SENP7: variants seen among roughly 807,000 people sequenced by gnomAD.
SENP7 encodes sentrin-specific protease 7.
Under a neutral mutation model 141.2 loss-of-function variants are expected in SENP7, and 64 were observed. The observed-to-expected ratio is 0.45, with a 90% CI of 0.37 to 0.56. SENP7 has a LOEUF of 0.56. Among genes scored for constraint, SENP7 ranks in the 20% least tolerant of loss-of-function variants. The probability of loss-of-function intolerance (pLI) is 0.00; values close to 1 mark genes in which losing one functional copy is unlikely to be tolerated. For missense variants in SENP7, 1,025 were observed against 1,212.2 expected (o/e 0.85, Z 2.29); for synonymous variants, 382 against 426.4 (o/e 0.90, Z 1.28).
chr3:101,386,627 T>C lies in SENP7; in HGVS notation c.677+12234A>G, dbSNP rs150044552. On this transcript the variant is annotated intron_variant, in intron 6 of 23. Coordinates refer to ENST00000394095, the MANE Select transcript of SENP7 (RefSeq NM_020654.5). ...GCATTGCAAGGTTGGCTGGAACCAGTAGTGTGGCCAGATCCCCAGCACTCT... is the reference window on the plus strand; with the variant it reads ...GCATTGCAAGGTTGGCTGGAACCAGCAGTGTGGCCAGATCCCCAGCACTCT... Among the ~76,000 whole-genome samples, 13 of 152,182 alleles carry C rather than the reference T, an allele frequency of 8.5e-5. No homozygotes were observed. The East Asian group carries it at 2.5e-3, about 29-fold the overall frequency.
At chr3:101,444,251 G>A (rs2062796430) in intron 4 of SENP7, among the ~76,000 whole-genome samples, 1 of 145,058 alleles carries the variant, frequency 6.9e-6, no homozygotes, top group African/African-American at 2.5e-5. Flanking sequence ...AACAGGTGCT[G>A]GAGAGGATGT....
At chr3:101,379,361 A>C (rs938421505) in intron 6 of SENP7, among the ~76,000 whole-genome samples, 1 of 152,194 alleles carries the variant, frequency 6.6e-6, no homozygotes, top group Non-Finnish European at 1.5e-5. Context: ...AGCACAGTCA[A>C]CTAAAGAAAC....
chr3:101,429,725 C>A (rs916740422), intron 4 of SENP7, among the ~76,000 whole-genome samples: 1 of 152,074 alleles, frequency 6.6e-6, no homozygotes, highest in Admixed American at 6.6e-5. Context: ...TCCAATACTA[C>A]GTTGAATAGG....
At chr3:101,416,759 T>C (rs1285577360) in intron 5 of SENP7, among the ~76,000 whole-genome samples, 2 of 152,340 alleles carry the variant, frequency 1.3e-5, no homozygotes, top group East Asian at 3.9e-4. Flanking sequence ...TACTTTTATT[T>C]TAAAAATAAC....
intron 3 of SENP7, among the ~76,000 whole-genome samples, chr3:101,468,701 G>A (rs545686768): frequency 2.9e-4 from 44 of 152,286 alleles, no homozygotes; most frequent in African/African-American, 1.0e-3. Context: ...AAGAGCTCCT[G>A]AAGGAAGCAC....
At chr3:101,470,985 C>T (rs530626975) in intron 3 of SENP7, among the ~76,000 whole-genome samples, 97 of 152,208 alleles carry the variant, frequency 6.4e-4, no homozygotes, top group African/African-American at 2.2e-3. Flanking sequence ...CAAACCACTG[C>T]TCAATGAAAT....
At chr3:101,367,783 T>C in intron 8 of SENP7, 47 bp downstream of exon 8, 1 of 1,230,222 alleles carries the variant, frequency 8.1e-7, no homozygotes, top group Non-Finnish European at 1.1e-6. Flanking sequence ...CTCGTTTTTA[T>C]CATAGCATGA....
intron 4 of SENP7, among the ~76,000 whole-genome samples, chr3:101,424,666 A>G (rs1028795587): frequency 6.6e-6 from 1 of 151,848 alleles, no homozygotes; most frequent in African/African-American, 2.4e-5. Context: ...TGCCAACATC[A>G]CCAACAGCAC....
intron 3 of SENP7, among the ~76,000 whole-genome samples, chr3:101,490,091 G>A (rs1460611904): frequency 6.6e-6 from 1 of 152,054 alleles, no homozygotes; most frequent in Admixed American, 6.6e-5. Context: ...GGCTGTGGTG[G>A]GAGAAATCGC....
chr3:101,472,500 G>C (rs377563306), intron 3 of SENP7, among the ~76,000 whole-genome samples: 1 of 152,080 alleles, frequency 6.6e-6, no homozygotes, highest in South Asian at 2.1e-4. Context: ...GGGACCTGTC[G>C]CGGGGTGGGG....
At chr3:101,448,720 A>C (rs1181097246) in intron 4 of SENP7, among the ~76,000 whole-genome samples, 1 of 152,200 alleles carries the variant, frequency 6.6e-6, no homozygotes, top group African/African-American at 2.4e-5. Context: ...CCAAAACCCC[A>C]TCTGTACGTC....
intron 1 of SENP7, among the ~76,000 whole-genome samples, chr3:101,503,499 T>C (rs1296998667): frequency 6.6e-6 from 1 of 152,230 alleles, no homozygotes; most frequent in Non-Finnish European, 1.5e-5. Flanking sequence ...AATGGAAAAC[T>C]GTATAGCAAT....
chr3:101,372,077 C>T lies in SENP7; in HGVS notation c.727G>A (p.Ala243Thr). The change falls in exon 7 of 24, where the codon GCG (alanine) becomes ACG (threonine). Residue 243 changes from alanine (A) to threonine (T), a missense_variant. By Grantham distance (58) the Ala-to-Thr change is moderately conservative (BLOSUM62 0). Around this residue, in one of 4 missense-constraint regions of SENP7, gnomAD observed 496 missense variants for 503.5 expected, o/e 0.99. Transcript: ENST00000394095. ...TTTCTTCGTTTTTCTTTATTGTGCG[C>T]AGTCTGCTTTGCAGAATTGTCATCT... is the stretch of plus-strand genomic sequence containing the variant. ...TVDDNSAKQTAHNKEKRRKDD... is the reference protein window; with the variant it reads ...TVDDNSAKQTTHNKEKRRKDD... 4 of 1,569,704 alleles carry T rather than the reference C, an allele frequency of 2.5e-6. No individual in the cohort carries two copies. The highest frequency in any genetic ancestry group is 3.5e-6 in the Non-Finnish European group (4 of 1,151,058).
At chr3:101,499,385 G>A (rs907496269) in intron 2 of SENP7, among the ~76,000 whole-genome samples, 2 of 151,962 alleles carry the variant, frequency 1.3e-5, no homozygotes, top group African/African-American at 4.8e-5. Context: ...AGGGGGCAGC[G>A]GGGGACAGAG....
At chr3:101,509,536 T>G (rs1347127358) in intron 1 of SENP7, among the ~76,000 whole-genome samples, 4 of 152,206 alleles carry the variant, frequency 2.6e-5, no homozygotes, top group African/African-American at 9.6e-5. Context: ...TTGAAATTAG[T>G]TGTATGTGAT....
intron 3 of SENP7, among the ~76,000 whole-genome samples, chr3:101,484,808 A>G (rs145262661): frequency 6.6e-6 from 1 of 152,274 alleles, no homozygotes; most frequent in Non-Finnish European, 1.5e-5. Flanking sequence ...GAGCAGGGGT[A>G]TAACTCCACA....
intron 6 of SENP7, among the ~76,000 whole-genome samples, chr3:101,385,027 A>T (rs939444): frequency 0.4 from 60,361 of 152,022 alleles, 12,503 homozygotes; most frequent in Admixed American, 0.54. Flanking sequence ...AATGAAAACA[A>T]TTATATATTT....
At chr3:101,447,971 T>C (rs577690232) in intron 4 of SENP7, among the ~76,000 whole-genome samples, 2 of 152,164 alleles carry the variant, frequency 1.3e-5, no homozygotes, top group Admixed American at 1.3e-4. Flanking sequence ...TCCAAGACAA[T>C]ACAATGGAAA....
chr3:101,459,089 A>G (rs765847196), intron 3 of SENP7, 37 bp from the exon 4 acceptor site: 1 of 1,211,346 alleles, frequency 8.3e-7, no homozygotes, highest in East Asian at 2.3e-5. Flanking sequence ...TAATAAACAT[A>G]TCAATATGAC....
Sources: gnomAD v4.1 joint callset for allele counts (sites outside exome capture counted in the v4.1 genomes callset) on GRCh38, gnomAD v4.1.1 for gene constraint, gnomAD v4.1.1 regional missense constraint, MANE v1.5 for transcripts, NCBI Gene and HGNC (gene_info 2026-07-23, HGNC 2026-07-21) for gene names.